ASPSCR1: variants seen among roughly 807,000 people sequenced by gnomAD.
ASPSCR1 encodes tether containing UBX domain for GLUT4.
Under a neutral mutation model 68.9 loss-of-function variants are expected in ASPSCR1, and 55 were observed. The observed-to-expected ratio is 0.80, with a 90% CI of 0.64 to 1.00. The LOEUF (loss-of-function observed/expected upper bound fraction) is 1.00. ASPSCR1 is among the 50% of genes least tolerant of loss of function. The pLI is 0.00. For missense variants in ASPSCR1, 765 were observed against 762.2 expected, an observed-to-expected ratio of 1.00 and a Z score of -0.04; for synonymous variants, 352 against 332.6, an observed-to-expected ratio of 1.06 and a Z score of -0.63.
intron 9 of ASPSCR1, chr17:82,010,160 G>T (rs1598430069): frequency 2.3e-4 from 58 of 254,586 alleles, no homozygotes; most frequent in South Asian, 1.8e-3. Context: ...GACCTCAGGT[G>T]ATCTGCCCGC....
intron 4 of ASPSCR1, among the ~76,000 whole-genome samples, chr17:81,992,491 G>T (rs898523713): frequency 3.9e-5 from 6 of 152,198 alleles, no homozygotes; most frequent in Admixed American, 3.9e-4. Flanking sequence ...GGTCAGTGCC[G>T]GGGAAGGACT....
At chr17:81,981,352 G>A (rs191326587) in intron 2 of ASPSCR1, among the ~76,000 whole-genome samples, 26 of 152,092 alleles carry the variant, frequency 1.7e-4, no homozygotes, top group Non-Finnish European at 1.3e-4. Context: ...GGTTGGGGGG[G>A]GCTTAGGGTT....
At position 81,996,619 on chromosome 17, in the gene ASPSCR1, G is replaced by A. The variant is rs773864878; in HGVS notation, c.706G>A (p.Ala236Thr). The change falls in exon 7 of 16, where the codon GCA becomes ACA. Residue 236 changes from alanine to threonine, a missense_variant. Coordinates refer to ENST00000306739, the MANE Select transcript of ASPSCR1 (RefSeq NM_024083.4). ...EHTQEKQSTRAPAAAPFVPFS... is the reference protein window; with the variant it reads ...EHTQEKQSTRTPAAAPFVPFS... ...CACTCAGGAGAAGCAGAGCACAAGG[G>A]CACCCGCAGCTGCCCCCTTTGTTCC... 4.3e-6 allele frequency: 7 copies of A among 1,611,598 alleles called. No individual in the cohort carries two copies. Among genetic ancestry groups the A allele is most frequent in the Non-Finnish European group, 5.1e-6 (6 of 1,178,624 alleles).
In ASPSCR1 at chr17:82,014,694, C is replaced by T. The variant is rs182906533; in HGVS notation, c.1354-1782C>T. 4.2e-3 allele frequency: 1,066 copies of T among 253,786 alleles called. 15 individuals are homozygous for T. The highest frequency in any genetic ancestry group is 0.021 in the African/African-American group (958 of 44,834). 15.7% of individuals were successfully genotyped at this position (253,786 alleles called of 1,614,324 possible). Reference sequence around the variant, plus strand: ...GTGGTGCTGTTCTCGTTGGAGGGGGCGGCCAGGCGCTGGGCCACGTGTGCA... The same window carrying T: ...GTGGTGCTGTTCTCGTTGGAGGGGGTGGCCAGGCGCTGGGCCACGTGTGCA... On this transcript the variant is annotated intron_variant, in intron 12 of 15. Transcript: ENST00000306739.
rs1296161911 is a variant in ASPSCR1 at position 82,010,539 on chromosome 17, A to AC, written c.1171-263_1171-262insC. ...GTGAGACTCCATCTCAAAAAAAAAAAAAAAAAAAAAAAACCAGCACATTTG... is the reference window on the plus strand; with the variant it reads ...GTGAGACTCCATCTCAAAAAAAAAAACAAAAAAAAAAAAACCAGCACATTTG... On this transcript the variant is annotated intron_variant, in intron 9 of 15. Coordinates refer to ENST00000306739, the MANE Select transcript of ASPSCR1 (RefSeq NM_024083.4). Among the ~76,000 whole-genome samples the AC allele has an allele frequency of 1.7e-3, 260 of 150,640 alleles. 5 individuals are homozygous for AC. The highest frequency in any genetic ancestry group is 6.8e-3 in the Middle Eastern group (2 of 294).
intron 7 of ASPSCR1, chr17:82,005,967 C>G (rs984112001): frequency 1.3e-5 from 2 of 152,376 alleles, no homozygotes; most frequent in African/African-American, 4.8e-5. Context: ...GGACAAGAGT[C>G]CTTCTCTCAG....
At chr17:81,995,626 C>T (rs1966073205) in intron 5 of ASPSCR1, 1 of 441,960 alleles carries the variant, frequency 2.3e-6, no homozygotes, top group Non-Finnish European at 4.1e-6. Context: ...GAATGGCCAC[C>T]CCCGTGGGTG....
At chr17:81,989,650 C>G (rs1226811369) in intron 4 of ASPSCR1, among the ~76,000 whole-genome samples, 1 of 152,150 alleles carries the variant, frequency 6.6e-6, no homozygotes, top group African/African-American at 2.4e-5. Flanking sequence ...TTTGGGGACC[C>G]CTGGGTGATT....
At chr17:81,985,407 G>T in intron 3 of ASPSCR1, 100 bp from the exon 4 acceptor site, 2 of 1,262,864 alleles carry the variant, frequency 1.6e-6, no homozygotes, top group East Asian at 2.4e-5. Context: ...AGGCCAGGGC[G>T]GGGCAGTCAC....
chr17:82,005,240 G>T (rs1350150846), intron 7 of ASPSCR1: 1 of 152,252 alleles, frequency 6.6e-6, no homozygotes, highest in Admixed American at 6.5e-5. Context: ...CAGTGGCAGG[G>T]TGGGGCGCCG....
chr17:82,000,302 G>T (rs894658806), intron 7 of ASPSCR1, among the ~76,000 whole-genome samples: 1 of 152,244 alleles, frequency 6.6e-6, no homozygotes, highest in Non-Finnish European at 1.5e-5. Flanking sequence ...CTCGCCCGTC[G>T]GGAGGCGCTG....
In ASPSCR1 at chr17:81,983,628, T is replaced by C; in HGVS notation, c.233T>C (p.Met78Thr). The stretch of plus-strand genomic sequence containing the variant: ...CTGCCCAACAATGCCAAGCTGGAGA[T>C]GGTGCCCGCTTCCCGGAGCCGTGAG... ...ANLPNNAKLE[M>T]VPASRSREGP... Residue 78 changes from methionine (M) to threonine (T), a missense_variant, in exon 3 of 16, where the codon ATG becomes ACG. Transcript: ENST00000306739. This position sits in a 1 kb window ranked among gnomAD's most constrained non-coding sequence, Gnocchi z 4.4. 6.2e-7 allele frequency: 1 copy of C among 1,613,110 alleles called. No homozygotes were observed. The highest frequency in any genetic ancestry group is 8.5e-7 in the Non-Finnish European group (1 of 1,179,844).
In ASPSCR1 at chr17:82,008,910, C is replaced by T. The variant is rs947634063; in HGVS notation, c.934-127C>T. On this transcript the variant is annotated intron_variant, in intron 7 of 15. Transcript: ENST00000306739. ...GACCTGGCCTTGGCCCTGCGCTGGC[C>T]GGGGCCAGGGAGGGAGTGGGCCCAG... 6.3e-5 allele frequency: 83 copies of T among 1,321,240 alleles called. No homozygotes were observed. In the East Asian group the frequency reaches 2.1e-3, roughly 33 times the overall value. The allele number at this position is 1,321,240 out of a possible 1,614,324, so 81.8% of individuals were successfully genotyped here.
rs1417986554 is a variant in ASPSCR1, at chr17:81,983,463, GC to G, written c.159-90del. On this transcript the variant is annotated intron_variant, in intron 2 of 15. Transcript: ENST00000306739. The surrounding 1 kb of genome is among the most constrained non-coding windows in gnomAD (Gnocchi z 4.4). Reference sequence around the variant, plus strand: ...TGGATGGCGGGGCGTGGATGGCGGGGCGTGGATGGTGGGACGGGGATGGCGG... The same window carrying G: ...TGGATGGCGGGGCGTGGATGGCGGGGGTGGATGGTGGGACGGGGATGGCGG... The G allele has an allele frequency of 2.1e-6, 2 of 949,104 alleles. No homozygotes were observed. Among genetic ancestry groups the G allele is most frequent in the Non-Finnish European group, 3.0e-6 (2 of 661,776 alleles). 58.8% of individuals were successfully genotyped at this position (949,104 alleles called of 1,614,324 possible). A position where few individuals can be genotyped will look rare whatever the true frequency, so the allele number is the denominator to read the frequency against.
At chr17:81,980,762 G>GA (rs2143989366) in intron 2 of ASPSCR1, among the ~76,000 whole-genome samples, 1 of 152,322 alleles carries the variant, frequency 6.6e-6, no homozygotes, top group South Asian at 2.1e-4. Flanking sequence ...GAGTATTCAT[G>GA]AAAGGAGAAC....
intron 5 of ASPSCR1, 131 bp from the exon 6 acceptor site, chr17:81,995,861 G>C (rs1471920008): frequency 1.4e-5 from 12 of 844,632 alleles, no homozygotes; most frequent in Middle Eastern, 3.3e-4. Context: ...GGCCAGATGT[G>C]GGGGGTGGGT....
At chr17:81,995,231 C>G in intron 5 of ASPSCR1, 1 of 428,996 alleles carries the variant, frequency 2.3e-6, no homozygotes, top group Non-Finnish European at 4.1e-6. Flanking sequence ...AGCGCTCGTC[C>G]CTGGCCTCAC....
At position 81,999,429 on chromosome 17, in the gene ASPSCR1, C is replaced by T. The variant is rs1186663966; in HGVS notation, c.933+2583C>T. ...ATCACCTGAGGTCAGGAGTTTGAGACCAGCCTGGACAACATGGCAAAACCC... is the reference window on the plus strand; with the variant it reads ...ATCACCTGAGGTCAGGAGTTTGAGATCAGCCTGGACAACATGGCAAAACCC... On this transcript the variant is annotated intron_variant, in intron 7 of 15. Coordinates refer to ENST00000306739, the MANE Select transcript of ASPSCR1 (RefSeq NM_024083.4). The surrounding 1 kb of genome is among the most constrained non-coding windows in gnomAD (Gnocchi z 4.4). Among the ~76,000 whole-genome samples, 2 of 152,126 alleles carry T rather than the reference C, an allele frequency of 1.3e-5. No homozygotes were observed. The highest frequency in any genetic ancestry group is 2.9e-5 in the Non-Finnish European group (2 of 68,042).
At chr17:82,015,462 C>T (rs2043090784) in intron 12 of ASPSCR1, 5 of 1,373,918 alleles carry the variant, frequency 3.6e-6, no homozygotes, top group Non-Finnish European at 4.9e-6. Flanking sequence ...GTTCCCGAGT[C>T]CTGCCCGCCC....
Sources: allele counts gnomAD v4.1 joint callset (sites outside exome capture counted in the v4.1 genomes callset), GRCh38; gene constraint gnomAD v4.1.1; non-coding constraint Gnocchi (gnomAD v3.1); transcripts MANE v1.5; gene names NCBI Gene and HGNC (gene_info 2026-07-23, HGNC 2026-07-21).